The following ZNF423 variants were observed in gnomAD, a reference collection of about 807,000 sequenced individuals.
ZNF423 encodes zinc finger protein 423.
A neutral mutation model predicts 95.8 loss-of-function variants in ZNF423; 12 were observed. The ratio of observed to expected loss-of-function variants is 0.13; its 90% CI spans 0.08 to 0.20. The LOEUF (loss-of-function observed/expected upper bound fraction) is 0.20. Ranked by LOEUF, ZNF423 falls within the 10% of genes least tolerant of loss-of-function variation. The pLI is 1.00. For missense variants in ZNF423, 1,316 were observed against 1,737.1 expected (o/e 0.76, Z 4.31); for synonymous variants, 749 against 711.9 (o/e 1.05, Z -0.83).
chr16:49,753,089 C>T (rs905703407), intron 2 of ZNF423, among the ~76,000 whole-genome samples: 1 of 151,580 alleles, frequency 6.6e-6, no homozygotes, highest in Non-Finnish European at 1.5e-5. Flanking sequence ...ACTAAAAATA[C>T]AAAAATTAGC....
intron 2 of ZNF423, among the ~76,000 whole-genome samples, chr16:49,750,269 A>T (rs2033609517): frequency 6.6e-6 from 1 of 152,132 alleles, no homozygotes; most frequent in South Asian, 2.1e-4. Context: ...TAGGCACAAA[A>T]TTGTGAGGCT....
chr16:49,739,697 T>C (rs869269747), intron 2 of ZNF423, among the ~76,000 whole-genome samples: 1 of 9,756 alleles, frequency 1.0e-4, no homozygotes, highest in Admixed American at 1.1e-3. Context: ...TTTTGTTTGG[T>C]TTTTTTTTTT....
chr16:49,606,270 G>GCACAGGCA (rs11283225), intron 5 of ZNF423, among the ~76,000 whole-genome samples: 40,953 of 151,806 alleles, frequency 0.27, 6,014 homozygotes, highest in South Asian at 0.4. Context: ...CCCACCGACA[G>GCACAGGCA]CAGAAGGGGC....
chr16:49,855,609 T>G lies in ZNF423; in HGVS notation c.40+126A>C, dbSNP rs1280378784. On this transcript the variant is annotated intron_variant, in intron 1 of 7. Coordinates refer to ENST00000563137, the MANE Select transcript of ZNF423 (RefSeq NM_001379286.1). This position sits in a 1 kb window ranked among gnomAD's most constrained non-coding sequence, Gnocchi z 4.7. ...CTCCGCCTCCGCCTCCTCTGCCGCC[T>G]CCTCCTCCTCCTCTCGGCTCGCTCG... 4 of 168,724 alleles carry G rather than the reference T, an allele frequency of 2.4e-5. No individual in the cohort carries two copies. In the South Asian group the frequency reaches 3.6e-4, roughly 15 times the overall value. The allele number at this position is 168,724 out of a possible 1,614,324, so 10.5% of individuals were successfully genotyped here.
intron 2 of ZNF423, among the ~76,000 whole-genome samples, chr16:49,753,012 G>A (rs2033659850): frequency 1.3e-5 from 2 of 152,232 alleles, no homozygotes; most frequent in South Asian, 4.1e-4. Flanking sequence ...GGGAGGCTGA[G>A]GCAGGTGGAT....
At chr16:49,574,768 A>C (rs1970446959) in intron 5 of ZNF423, among the ~76,000 whole-genome samples, 2 of 152,022 alleles carry the variant, frequency 1.3e-5, no homozygotes, top group South Asian at 4.2e-4. Flanking sequence ...TCTCTCCTGG[A>C]GCCTGGGAGA....
intron 5 of ZNF423, among the ~76,000 whole-genome samples, chr16:49,528,352 A>T (rs1193571898): frequency 2.0e-5 from 3 of 152,172 alleles, no homozygotes; most frequent in African/African-American, 7.2e-5. Context: ...GTGCACAGTC[A>T]GGCAGCCCTG....
intron 1 of ZNF423, among the ~76,000 whole-genome samples, chr16:49,802,549 G>T (rs66617967): frequency 6.6e-6 from 1 of 152,142 alleles, no homozygotes; most frequent in African/African-American, 2.4e-5. Flanking sequence ...AAATGTGCAC[G>T]ATCAGCGCAC....
At chr16:49,692,458 A>C (rs1296246238) in intron 3 of ZNF423, among the ~76,000 whole-genome samples, 2 of 152,166 alleles carry the variant, frequency 1.3e-5, no homozygotes, top group African/African-American at 4.8e-5. Flanking sequence ...ACCCAAACTG[A>C]CGTGGGACGA....
chr16:49,799,769 G>C (rs887048484), intron 1 of ZNF423, among the ~76,000 whole-genome samples: 1 of 152,124 alleles, frequency 6.6e-6, no homozygotes, highest in African/African-American at 2.4e-5. Flanking sequence ...TGAAACACTT[G>C]AAGTTTTCTT....
intron 5 of ZNF423, among the ~76,000 whole-genome samples, chr16:49,529,670 A>G (rs1567446667): frequency 6.6e-6 from 1 of 152,172 alleles, no homozygotes. Context: ...GGGGGAAGCC[A>G]GGAGGAGAGA....
intron 1 of ZNF423, among the ~76,000 whole-genome samples, chr16:49,842,778 A>G (rs1456155845): frequency 6.6e-6 from 1 of 152,182 alleles, no homozygotes; most frequent in East Asian, 1.9e-4. Context: ...GATTGAGACC[A>G]TCCTGGCCAA....
chr16:49,636,613 GGGGTACCCCATTGGCCGTGCC>G lies in ZNF423; in HGVS notation c.2542_2562del (p.Gly848_Pro854del). 1 of 1,613,914 alleles carries G rather than the reference GGGGTACCCCATTGGCCGTGCC, an allele frequency of 6.2e-7. No homozygotes were observed. Among genetic ancestry groups the G allele is most frequent in the Non-Finnish European group, 8.5e-7 (1 of 1,179,970 alleles). On this transcript the variant is annotated inframe_deletion, in exon 4 of 8. Transcript: ENST00000563137. This position sits in a 1 kb window ranked among gnomAD's most constrained non-coding sequence, Gnocchi z 8.6. ...GGCTCAGCTTTCTTGGTGGCCATTG[GGGGTACCCCATTGGCCGTGCC>G]GTTCTCGGTCGCAGCATCAAACACA...
intron 5 of ZNF423, among the ~76,000 whole-genome samples, chr16:49,619,482 C>T (rs62031057): frequency 0.034 from 5,180 of 152,128 alleles, 122 homozygotes; most frequent in Middle Eastern, 0.068. Context: ...AATGAACCAA[C>T]GGGATTCAAA....
At chr16:49,666,903 G>T (rs1315855412) in intron 3 of ZNF423, among the ~76,000 whole-genome samples, 4 of 152,240 alleles carry the variant, frequency 2.6e-5, no homozygotes, top group Non-Finnish European at 1.5e-5. Context: ...GGGTGGGAAA[G>T]CATGATGCCA....
At chr16:49,811,285 A>G (rs1345019410) in intron 1 of ZNF423, among the ~76,000 whole-genome samples, 7 of 152,176 alleles carry the variant, frequency 4.6e-5, no homozygotes, top group Non-Finnish European at 7.3e-5. Context: ...AAGCAGCGGT[A>G]GAGAGACCCC....
chr16:49,742,364 G>A (rs2033432069), intron 2 of ZNF423, among the ~76,000 whole-genome samples: 2 of 152,024 alleles, frequency 1.3e-5, no homozygotes, highest in African/African-American at 4.8e-5. Context: ...GAAGCAGGGG[G>A]GAGAAAAATA....
chr16:49,695,594 T>G (rs925879845), intron 3 of ZNF423, among the ~76,000 whole-genome samples: 11 of 150,698 alleles, frequency 7.3e-5, no homozygotes, highest in Non-Finnish European at 1.2e-4. Context: ...TACCCAGCAA[T>G]TTTTGTATTT....
chr16:49,626,225 C>T lies in ZNF423; in HGVS notation c.3546G>A (p.Gln1182=), dbSNP rs1456891000. 2 of 1,613,968 alleles carry T rather than the reference C, an allele frequency of 1.2e-6. No homozygotes were observed. The highest frequency in any genetic ancestry group is 2.7e-5 in the African/African-American group (2 of 74,928). ...RKKTYQCIKC[Q]MTFENEREIQ... ...TCTCTCTCTCGTTCTCGAAGGTCATCTGGCACTTGATGCACTGGTATGTCT... is the reference window on the plus strand; with the variant it reads ...TCTCTCTCTCGTTCTCGAAGGTCATTTGGCACTTGATGCACTGGTATGTCT... The change falls in exon 5 of 8, where the codon CAG becomes CAA. Residue 1182 remains glutamine, a synonymous_variant. Transcript: ENST00000563137.
Sources: allele counts gnomAD v4.1 joint callset (sites outside exome capture counted in the v4.1 genomes callset), GRCh38; gene constraint gnomAD v4.1.1; non-coding constraint Gnocchi (gnomAD v3.1); transcripts MANE v1.5; gene names NCBI Gene and HGNC (gene_info 2026-07-23, HGNC 2026-07-21).